The following SYT1 variants were observed in gnomAD, a reference collection of about 807,000 sequenced individuals.
SYT1 encodes synaptotagmin-1.
A neutral mutation model predicts 44.8 loss-of-function variants in SYT1; 8 were observed. The ratio of observed to expected loss-of-function variants is 0.18; its 90% confidence interval spans 0.10 to 0.32. The LOEUF is 0.32. Ranked by LOEUF, SYT1 falls within the 10% of genes least tolerant of loss-of-function variation. The pLI is 1.00. For missense variants in SYT1, 286 were observed against 509.3 expected (o/e 0.56, Z 4.22); for synonymous variants, 154 against 188.8 (o/e 0.82, Z 1.51).
chr12:79,033,422 AC>A (rs1872941207), intron 2 of SYT1, among the ~76,000 whole-genome samples: 1 of 151,416 alleles, frequency 6.6e-6, no homozygotes, highest in South Asian at 2.1e-4. Context: ...TACTTTAAAA[AC>A]ATCTTTGAAT....
chr12:78,926,398 A>T (rs1448885570), intron 1 of SYT1, among the ~76,000 whole-genome samples: 1 of 152,076 alleles, frequency 6.6e-6, no homozygotes, highest in African/African-American at 2.4e-5. Flanking sequence ...AGTGATATTC[A>T]GTAAATATGT....
intron 3 of SYT1, among the ~76,000 whole-genome samples, chr12:79,176,420 G>A (rs1415331249): frequency 2.0e-5 from 3 of 151,988 alleles, no homozygotes; most frequent in Admixed American, 1.3e-4. Flanking sequence ...TGGCAAAACT[G>A]AAGATAATGA....
intron 3 of SYT1, among the ~76,000 whole-genome samples, chr12:79,128,188 G>T (rs1868566100): frequency 6.6e-6 from 1 of 152,080 alleles, no homozygotes; most frequent in Non-Finnish European, 1.5e-5. Flanking sequence ...GAGCCCAGTA[G>T]TTCAAGACCA....
intron 9 of SYT1, among the ~76,000 whole-genome samples, chr12:79,439,007 C>T (rs1007322022): frequency 6.6e-6 from 1 of 152,246 alleles, no homozygotes. Flanking sequence ...ATGGATATTA[C>T]CTCACTCCAA....
intron 3 of SYT1, among the ~76,000 whole-genome samples, chr12:79,158,703 G>A (rs1371727840): frequency 6.6e-6 from 1 of 152,076 alleles, no homozygotes; most frequent in East Asian, 1.9e-4. Context: ...TTCAAGACCA[G>A]CCTGGGCAAC....
intron 2 of SYT1, among the ~76,000 whole-genome samples, chr12:79,012,014 C>T (rs550191630): frequency 1.8e-3 from 274 of 151,856 alleles, no homozygotes; most frequent in Non-Finnish European, 3.1e-3. Context: ...CACCTGTAGT[C>T]CCAGCTACTC....
intron 3 of SYT1, among the ~76,000 whole-genome samples, chr12:79,059,656 G>A: frequency 6.6e-6 from 1 of 152,018 alleles, no homozygotes; most frequent in Non-Finnish European, 1.5e-5. Flanking sequence ...TGTACTTGTT[G>A]TGGGCTGGCA....
intron 3 of SYT1, among the ~76,000 whole-genome samples, chr12:79,204,009 G>A (rs1681579243): frequency 6.6e-6 from 1 of 152,174 alleles, no homozygotes; most frequent in South Asian, 2.1e-4. Context: ...TCATTTATTA[G>A]TAAGGCAGAC....
intron 1 of SYT1, among the ~76,000 whole-genome samples, chr12:78,953,279 A>G (rs991241240): frequency 3.9e-5 from 6 of 152,068 alleles, no homozygotes; most frequent in African/African-American, 1.4e-4. Context: ...ATATGTTTGT[A>G]TCTGGTCTGA....
At chr12:79,098,027 T>G (rs1259526293) in intron 3 of SYT1, among the ~76,000 whole-genome samples, 1 of 152,080 alleles carries the variant, frequency 6.6e-6, no homozygotes, top group African/African-American at 2.4e-5. Flanking sequence ...CTATTTTGTT[T>G]TCTCCTAGTC....
intron 8 of SYT1, among the ~76,000 whole-genome samples, chr12:79,349,500 AAG>A (rs1396697106): frequency 6.6e-6 from 1 of 152,192 alleles, no homozygotes; most frequent in Non-Finnish European, 1.5e-5. Context: ...TTTGAGTTAA[AAG>A]AGTTTGCCCC....
chr12:79,176,303 A>AT (rs1252002787), intron 3 of SYT1, among the ~76,000 whole-genome samples: 1 of 151,426 alleles, frequency 6.6e-6, no homozygotes, highest in Non-Finnish European at 1.5e-5. Context: ...AAAAAAAAAA[A>AT]ATACCAAAGT....
chr12:78,990,099 TACC>T (rs1381264055), intron 2 of SYT1, among the ~76,000 whole-genome samples: 2 of 152,150 alleles, frequency 1.3e-5, no homozygotes, highest in East Asian at 3.9e-4. Context: ...TGGGTTTTTG[TACC>T]ACAATTGAGG....
At chr12:78,997,338 T>C (rs1193603404) in intron 2 of SYT1, among the ~76,000 whole-genome samples, 2 of 152,274 alleles carry the variant, frequency 1.3e-5, no homozygotes, top group East Asian at 3.9e-4. Flanking sequence ...TTTCACAGAG[T>C]CCTTAAAATA....
intron 3 of SYT1, among the ~76,000 whole-genome samples, chr12:79,169,363 A>G: frequency 6.6e-6 from 1 of 152,180 alleles, no homozygotes; most frequent in Non-Finnish European, 1.5e-5. Context: ...AGTATAAATT[A>G]TAAATGGTAT....
chr12:79,389,253 G>A (rs1884560637), intron 9 of SYT1, among the ~76,000 whole-genome samples: 2 of 152,126 alleles, frequency 1.3e-5, no homozygotes, highest in Non-Finnish European at 2.9e-5. Flanking sequence ...CAAAACATAT[G>A]TTAGCCGTAA....
rs780302834 is a variant in SYT1 at position 79,444,212 on chromosome 12, G to A, written c.1062+6G>A. ...TACCTTTTGAACAAATCCAGGTAAT[G>A]TCAAACATAACTTTGTCTTCCCACT... is the stretch of plus-strand genomic sequence containing the variant. On this transcript the variant is annotated splice_donor_region_variant and intron_variant, in intron 10 of 10. Coordinates refer to ENST00000261205, the MANE Select transcript of SYT1 (RefSeq NM_005639.3). 3.2e-5 allele frequency: 52 copies of A among 1,612,138 alleles called. No individual in the cohort carries two copies. Among genetic ancestry groups the A allele is most frequent in the Non-Finnish European group, 4.2e-5 (50 of 1,179,042 alleles).
At chr12:78,932,985 G>C (rs754557268) in intron 1 of SYT1, among the ~76,000 whole-genome samples, 11 of 152,154 alleles carry the variant, frequency 7.2e-5, no homozygotes, top group Middle Eastern at 3.4e-3. Context: ...ATCACCTTAA[G>C]ACGTCCAAAA....
intron 3 of SYT1, among the ~76,000 whole-genome samples, chr12:79,105,211 G>A (rs549126322): frequency 2.0e-5 from 3 of 152,076 alleles, no homozygotes; most frequent in South Asian, 2.1e-4. Context: ...CTATTTTTTC[G>A]AGCTTCAGCC....
Sources: gnomAD v4.1 joint callset for allele counts (sites outside exome capture counted in the v4.1 genomes callset) on GRCh38, gnomAD v4.1.1 for gene constraint, MANE v1.5 for transcripts, NCBI Gene and HGNC (gene_info 2026-07-23, HGNC 2026-07-21) for gene names.